The following CTNNA3 variants were observed in gnomAD, a reference collection of about 807,000 sequenced individuals.
CTNNA3 encodes the protein catenin alpha 3.
A neutral mutation model predicts 95.7 loss-of-function variants in CTNNA3; 76 were observed. The ratio of observed to expected loss-of-function variants is 0.79; its 90% CI spans 0.66 to 0.96. The LOEUF (loss-of-function observed/expected upper bound fraction) is 0.96, where lower values mean the gene tolerates loss of function less well. Ranked by LOEUF, CTNNA3 falls within the 40% of genes least tolerant of loss-of-function variation. The pLI, the probability that CTNNA3 is intolerant of heterozygous loss-of-function variation, is 0.00. For missense variants in CTNNA3, 1,191 were observed against 1,089.8 expected, an observed-to-expected ratio of 1.09 and a Z score of -1.31; for synonymous variants, 431 against 374.4, an observed-to-expected ratio of 1.15 and a Z score of -1.74.
At chr10:67,007,435 A>G (rs1049232333) in intron 7 of CTNNA3, among the ~76,000 whole-genome samples, 1 of 151,720 alleles carries the variant, frequency 6.6e-6, no homozygotes, top group Admixed American at 6.6e-5. Context: ...CCTTAAATGT[A>G]TACTTATCAT....
At position 67,741,173 on chromosome 10, in the gene CTNNA3, G is replaced by C. The variant is rs1032788803; in HGVS notation, c.-2+22261C>G. 7.3e-5 allele frequency among the ~76,000 whole-genome samples: 11 copies of C among 150,964 alleles called. No individual in the cohort carries two copies. The East Asian group carries it at 1.5e-3, about 21-fold the overall frequency. On this transcript the variant is annotated intron_variant, in intron 1 of 17. Coordinates refer to the CTNNA3 transcript ENST00000684154. ...GGGGACTGTTGTGGCATGGGGAGAGGGGGGAGAGATAGCATTGGGAGATAT... is the reference window on the plus strand; with the variant it reads ...GGGGACTGTTGTGGCATGGGGAGAGCGGGGAGAGATAGCATTGGGAGATAT...
chr10:66,698,098 T>C (rs141539267), intron 9 of CTNNA3, among the ~76,000 whole-genome samples: 42 of 152,296 alleles, frequency 2.8e-4, no homozygotes, highest in Admixed American at 6.5e-4. Context: ...CATGCCATAA[T>C]GGGTCTTGCT....
chr10:67,570,396 TA>T (rs1424016883), intron 3 of CTNNA3, among the ~76,000 whole-genome samples: 1 of 152,128 alleles, frequency 6.6e-6, no homozygotes, highest in Non-Finnish European at 1.5e-5. Context: ...AGTTCTCATG[TA>T]AAGTTCCACT....
In CTNNA3 at chr10:67,608,053, C is replaced by T. The variant is rs556624780; in HGVS notation, c.100-1004G>A. Among the ~76,000 whole-genome samples the T allele has an allele frequency of 6.2e-4, 94 of 152,116 alleles. 1 individual carries two copies. The highest frequency in any genetic ancestry group is 1.8e-3 in the African/African-American group (74 of 41,510). ...GAATACAGTGAGAGAGAGTGGGGAT[C>T]GGGGTGGTCAGGAAAGGCCTCTTGA... On this transcript the variant is annotated intron_variant, in intron 2 of 17. Coordinates refer to ENST00000433211, the MANE Select transcript of CTNNA3 (RefSeq NM_013266.4).
chr10:66,945,559 T>C (rs998361115), intron 7 of CTNNA3, among the ~76,000 whole-genome samples: 4 of 152,192 alleles, frequency 2.6e-5, no homozygotes, highest in Non-Finnish European at 4.4e-5. Flanking sequence ...TCTGTTTTGG[T>C]TTCTTATCAT....
chr10:67,564,677 G>GTATGTGTATATATATA (rs1554854250), intron 3 of CTNNA3, among the ~76,000 whole-genome samples: 3 of 61,312 alleles, frequency 4.9e-5, no homozygotes, highest in African/African-American at 1.9e-4. Flanking sequence ...GTGTGTGTGT[G>GTATGTGTATATATATA]TATATATATA....
chr10:67,400,438 A>G (rs1245140213), intron 5 of CTNNA3, among the ~76,000 whole-genome samples: 1 of 152,252 alleles, frequency 6.6e-6, no homozygotes, highest in Non-Finnish European at 1.5e-5. Context: ...TGAGAACAAT[A>G]AAAATGAGCA....
At chr10:67,613,760 A>C (rs1487330736) in intron 2 of CTNNA3, among the ~76,000 whole-genome samples, 1 of 151,674 alleles carries the variant, frequency 6.6e-6, no homozygotes, top group Admixed American at 6.6e-5. Flanking sequence ...CTGCCATAAC[A>C]AAATACCACA....
intron 15 of CTNNA3, among the ~76,000 whole-genome samples, chr10:66,038,489 A>C (rs530314502): frequency 7.9e-5 from 12 of 152,334 alleles, no homozygotes; most frequent in African/African-American, 2.6e-4. Context: ...TGAAAAAAAA[A>C]TTTGAGCATT....
At chr10:67,387,864 G>A (rs1052103915) in intron 5 of CTNNA3, among the ~76,000 whole-genome samples, 2 of 152,150 alleles carry the variant, frequency 1.3e-5, no homozygotes, top group Non-Finnish European at 2.9e-5. Flanking sequence ...CTGTTAGAAG[G>A]AAAACTTACA....
At chr10:66,460,527 T>C (rs772354618) in intron 11 of CTNNA3, among the ~76,000 whole-genome samples, 7 of 152,128 alleles carry the variant, frequency 4.6e-5, no homozygotes, top group Non-Finnish European at 8.8e-5. Flanking sequence ...AGAAGGTTTT[T>C]TCCCCCTGCC....
chr10:67,236,452 A>G (rs1211181162), intron 5 of CTNNA3, among the ~76,000 whole-genome samples: 2 of 145,650 alleles, frequency 1.4e-5, no homozygotes, highest in Non-Finnish European at 3.0e-5. Flanking sequence ...ATAGGTGGGA[A>G]TTGAACAATG....
intron 7 of CTNNA3, among the ~76,000 whole-genome samples, chr10:66,816,817 A>G (rs879826921): frequency 4.6e-5 from 7 of 152,118 alleles, no homozygotes; most frequent in Non-Finnish European, 8.8e-5. Flanking sequence ...TTTAAATAAT[A>G]TAAAGTACGT....
At chr10:66,238,464 A>C (rs1290443127) in intron 13 of CTNNA3, among the ~76,000 whole-genome samples, 1 of 152,008 alleles carries the variant, frequency 6.6e-6, no homozygotes, top group Non-Finnish European at 1.5e-5. Flanking sequence ...GTAAACTCAA[A>C]TTTCTTGTCT....
At chr10:67,504,538 T>A (rs982966868) in intron 5 of CTNNA3, among the ~76,000 whole-genome samples, 30 of 150,642 alleles carry the variant, frequency 2.0e-4, no homozygotes, top group Admixed American at 9.2e-4. Context: ...ATTCTCTATA[T>A]CCACTAGGCC....
At chr10:66,001,356 GT>G (rs2078766620) in intron 15 of CTNNA3, among the ~76,000 whole-genome samples, 1 of 151,964 alleles carries the variant, frequency 6.6e-6, no homozygotes, top group Non-Finnish European at 1.5e-5. Context: ...GCACTTTGAT[GT>G]TTTCTTTTTT....
intron 1 of CTNNA3, among the ~76,000 whole-genome samples, chr10:67,664,634 T>C (rs1479104914): frequency 6.6e-6 from 1 of 152,214 alleles, no homozygotes; most frequent in Non-Finnish European, 1.5e-5. Context: ...CTTTCTTCTT[T>C]CACTCCACAT....
At chr10:66,037,124 G>T (rs1029514660) in intron 15 of CTNNA3, among the ~76,000 whole-genome samples, 1 of 151,730 alleles carries the variant, frequency 6.6e-6, no homozygotes, top group African/African-American at 2.4e-5. Flanking sequence ...CGCCCATCTC[G>T]GCCTCCCAAA....
chr10:66,303,450 G>A (rs940190294), intron 12 of CTNNA3, among the ~76,000 whole-genome samples: 1 of 152,064 alleles, frequency 6.6e-6, no homozygotes, highest in African/African-American at 2.4e-5. Context: ...CACAGACAAT[G>A]CATTTATACT....
Sources: allele counts gnomAD v4.1 joint callset (sites outside exome capture counted in the v4.1 genomes callset), GRCh38; gene constraint gnomAD v4.1.1; transcripts MANE v1.5; gene names NCBI Gene and HGNC (gene_info 2026-07-23, HGNC 2026-07-21).